Variants in SLC12A7 observed in about 807,000 individuals in gnomAD.
SLC12A7 encodes the protein K-Cl cotransporter 4.
In SLC12A7, 100 loss-of-function variants were observed where a neutral mutation model predicts 120.6. The ratio of observed to expected loss-of-function variants is 0.83; its 90% CI spans 0.71 to 0.98. SLC12A7 has a LOEUF of 0.98. Among genes scored for constraint, SLC12A7 ranks in the 50% least tolerant of loss-of-function variants. The pLI is 0.00. For synonymous variants in SLC12A7, 760 were observed against 678.0 expected, an observed-to-expected ratio of 1.12 and a Z score of -1.88; for missense variants, 1,373 against 1,548.1, an observed-to-expected ratio of 0.89 and a Z score of 1.90.
intron 23 of SLC12A7, among the ~76,000 whole-genome samples, 155 bp from the exon 24 acceptor site, chr5:1,052,606 C>A (rs1294600966): frequency 7.1e-6 from 1 of 140,040 alleles, no homozygotes; most frequent in East Asian, 2.2e-4. Context: ...TTAGAGAGAC[C>A]CCCCAGGCGG....
chr5:1,155,577 A>C, the SLC12A7 span, among the ~76,000 whole-genome samples: 1 of 149,016 alleles, frequency 6.7e-6, no homozygotes, highest in Non-Finnish European at 1.5e-5. Flanking sequence ...GCAGGGACCG[A>C]CCCCCGGGCT....
the SLC12A7 span, among the ~76,000 whole-genome samples, chr5:1,125,389 G>A: frequency 2.0e-5 from 3 of 152,016 alleles, no homozygotes; most frequent in Non-Finnish European, 1.5e-5. Context: ...GTTTATTTTA[G>A]TATTTTTATG....
chr5:1,114,132 CAGG>C (rs1302604333), upstream of SLC12A7, among the ~76,000 whole-genome samples: 1 of 152,186 alleles, frequency 6.6e-6, no homozygotes, highest in African/African-American at 2.4e-5. Context: ...AACTGAGGCC[CAGG>C]AGTTTAGGGT....
At chr5:1,121,575 A>C in the SLC12A7 span, among the ~76,000 whole-genome samples, 1 of 152,202 alleles carries the variant, frequency 6.6e-6, no homozygotes, top group Non-Finnish European at 1.5e-5. Context: ...GATCCATGCC[A>C]CTTTGTGGGA....
chr5:1,093,879 G>A (rs1486514592), intron 2 of SLC12A7, among the ~76,000 whole-genome samples: 6 of 152,176 alleles, frequency 3.9e-5, no homozygotes, highest in Admixed American at 3.3e-4. Flanking sequence ...GGGACCCCAG[G>A]GTGTCCAGCA....
At chr5:1,145,987 G>A in the SLC12A7 span, among the ~76,000 whole-genome samples, 1 of 152,072 alleles carries the variant, frequency 6.6e-6, no homozygotes, top group Non-Finnish European at 1.5e-5. The surrounding 1 kb of genome is among the most constrained non-coding windows in gnomAD (Gnocchi z 4.4). Context: ...TTGCAAAACT[G>A]CAGCTCTGCA....
In SLC12A7 at chr5:1,085,474, C is replaced by T; in HGVS notation, c.676-1G>A. ...TGGCCGCACCCGGGGAGATGTACGT[C>T]TGTGGGAACAAGGCCGGTCGGGAGG... On this transcript the variant is annotated splice_acceptor_variant, in intron 6 of 23. Coordinates refer to ENST00000264930, the MANE Select transcript of SLC12A7 (RefSeq NM_006598.3). LOFTEE classifies it high-confidence loss of function. 1.2e-6 allele frequency: 2 copies of T among 1,603,846 alleles called. No individual in the cohort carries two copies. The highest frequency in any genetic ancestry group is 1.7e-6 in the Non-Finnish European group (2 of 1,175,578).
At chr5:1,154,500 T>C in the SLC12A7 span, among the ~76,000 whole-genome samples, 1 of 151,576 alleles carries the variant, frequency 6.6e-6, no homozygotes, top group African/African-American at 2.4e-5. Flanking sequence ...CATCACACTA[T>C]AGACATATAC....
chr5:1,126,915 T>C, the SLC12A7 span, among the ~76,000 whole-genome samples: 1 of 152,174 alleles, frequency 6.6e-6, no homozygotes, highest in Non-Finnish European at 1.5e-5. Flanking sequence ...CTAACACAGG[T>C]ACCTGTGAAT....
At chr5:1,124,233 C>T in the SLC12A7 span, among the ~76,000 whole-genome samples, 4 of 152,196 alleles carry the variant, frequency 2.6e-5, no homozygotes, top group Non-Finnish European at 5.9e-5. Flanking sequence ...TCAGCGCCCA[C>T]AAGCCAAGAG....
chr5:1,105,656 G>T (rs1193997918), intron 1 of SLC12A7, among the ~76,000 whole-genome samples: 1 of 152,220 alleles, frequency 6.6e-6, no homozygotes. Flanking sequence ...CCCCCAAAAG[G>T]GAGTTTCCCC....
the SLC12A7 span, among the ~76,000 whole-genome samples, chr5:1,132,822 C>T: frequency 1.3e-5 from 2 of 152,280 alleles, no homozygotes; most frequent in East Asian, 1.9e-4. Flanking sequence ...CCTGGTAGGG[C>T]TGCCGGATAA....
In SLC12A7 at chr5:1,050,442, A is replaced by C. The variant is rs1258330959; in HGVS notation, c.*1918T>G. 6.1e-6 allele frequency: 1 copy of C among 164,972 alleles called. No homozygotes were observed. Among genetic ancestry groups the C allele is most frequent in the Non-Finnish European group, 1.3e-5 (1 of 76,972 alleles). 10.2% of individuals were successfully genotyped at this position (164,972 alleles called of 1,614,324 possible). A position where few individuals can be genotyped will look rare whatever the true frequency, so the allele number is the denominator to read the frequency against. ...ACAGACAGACAGGGAAACCTACAAA[A>C]GGAAACGGAGTCAATTGTAAATGGC... On this transcript the variant is annotated 3_prime_UTR_variant, in exon 24 of 24. Transcript: ENST00000264930.
the SLC12A7 span, among the ~76,000 whole-genome samples, chr5:1,137,096 G>T: frequency 6.6e-6 from 1 of 152,124 alleles, no homozygotes; most frequent in East Asian, 1.9e-4. Context: ...GTGTTTCCCA[G>T]CCCAGAGCTG....
chr5:1,153,058 C>G, the SLC12A7 span, among the ~76,000 whole-genome samples: 1 of 152,210 alleles, frequency 6.6e-6, no homozygotes, highest in Non-Finnish European at 1.5e-5. Flanking sequence ...GTAGCGGGCA[C>G]GACACAAAAT....
chr5:1,069,345 G>A (rs998870763), intron 17 of SLC12A7, among the ~76,000 whole-genome samples: 22 of 152,218 alleles, frequency 1.4e-4, no homozygotes, highest in Non-Finnish European at 2.5e-4. Flanking sequence ...TAGGCTGACC[G>A]GCCCAGACCT....
chr5:1,083,376 C>T (rs1739432591), intron 8 of SLC12A7, among the ~76,000 whole-genome samples: 1 of 152,210 alleles, frequency 6.6e-6, no homozygotes, highest in South Asian at 2.1e-4. Context: ...TGGGGCAGGT[C>T]CGAGGCAGCC....
the SLC12A7 span, among the ~76,000 whole-genome samples, chr5:1,134,820 G>C: frequency 8.7e-3 from 1,319 of 152,194 alleles, 14 homozygotes; most frequent in African/African-American, 0.023. Context: ...CCACACAGCG[G>C]GATGTTGTTC....
intron 11 of SLC12A7, 35 bp from the exon 12 acceptor site, chr5:1,078,042 C>T (rs1335225159): frequency 6.5e-7 from 1 of 1,532,312 alleles, no homozygotes. Context: ...GGGCGGCTTT[C>T]AGAAGTGAGC....
Sources: allele counts gnomAD v4.1 joint callset (sites outside exome capture counted in the v4.1 genomes callset), GRCh38; gene constraint gnomAD v4.1.1; non-coding constraint Gnocchi (gnomAD v3.1); transcripts MANE v1.5; gene names NCBI Gene and HGNC (gene_info 2026-07-23, HGNC 2026-07-21).